Variants in GPM6B observed in about 807,000 individuals in gnomAD.
GPM6B encodes glycoprotein M6B, also known as neuronal membrane glycoprotein M6-b.
In GPM6B, 4 loss-of-function variants were observed where a neutral mutation model predicts 27.2. The observed-to-expected ratio is 0.15, with a 90% confidence interval of 0.07 to 0.34. The LOEUF is 0.34. GPM6B is among the 10% of genes least tolerant of loss of function. The pLI, the probability that GPM6B is intolerant of heterozygous loss-of-function variation, is 1.00. For synonymous variants in GPM6B, 124 were observed against 103.1 expected (o/e 1.20, Z -1.23); for missense variants, 183 against 261.9 (o/e 0.70, Z 2.08).
chrX:13,859,826 CTA>C (rs771377446), intron 1 of GPM6B, among the ~76,000 whole-genome samples: 117 of 111,108 alleles, frequency 1.1e-3, no homozygotes, highest in African/African-American at 3.6e-3. Context: ...GCTATTATAA[CTA>C]TGCTCTTTCC....
chrX:13,808,537 C>T (rs2049066686), intron 1 of GPM6B, among the ~76,000 whole-genome samples: 1 of 111,800 alleles, frequency 8.9e-6, no homozygotes, highest in South Asian at 3.8e-4. Flanking sequence ...GAGTAGGCTT[C>T]TCATAAAAGT....
chrX:13,921,157 T>C (rs1465421362), intron 1 of GPM6B, among the ~76,000 whole-genome samples: 1 of 112,088 alleles, frequency 8.9e-6, no homozygotes, highest in Admixed American at 9.5e-5. Context: ...ACATCAGCAA[T>C]AGTAATGAAT....
intron 1 of GPM6B, among the ~76,000 whole-genome samples, chrX:13,830,038 T>C (rs1031594850): frequency 9.0e-6 from 1 of 110,835 alleles, no homozygotes; most frequent in Non-Finnish European, 1.9e-5. Context: ...TCATTTTATC[T>C]TCGAACCTGT....
chrX:13,798,365 A>T (rs1383724530), intron 2 of GPM6B, among the ~76,000 whole-genome samples: 1 of 108,065 alleles, frequency 9.3e-6, no homozygotes, highest in East Asian at 2.9e-4. Flanking sequence ...CTAGACAAGC[A>T]GAGGGCAGGA....
intron 1 of GPM6B, among the ~76,000 whole-genome samples, chrX:13,935,855 T>A (rs936687167): frequency 8.9e-6 from 1 of 112,350 alleles, no homozygotes; most frequent in Non-Finnish European, 1.9e-5. Context: ...TTCAACACAC[T>A]CATTTAGGTA....
At chrX:13,822,468 C>T (rs1323618703) in intron 1 of GPM6B, among the ~76,000 whole-genome samples, 3 of 110,337 alleles carry the variant, frequency 2.7e-5, no homozygotes, top group Admixed American at 1.9e-4. Flanking sequence ...CAGGTTCAAG[C>T]GATTCTCCTG....
chrX:13,874,712 A>AAAAC (rs1385868219), intron 1 of GPM6B, among the ~76,000 whole-genome samples: 1 of 110,605 alleles, frequency 9.0e-6, no homozygotes, highest in Non-Finnish European at 1.9e-5. Context: ...TCCATCTCCA[A>AAAAC]AAACAAACAA....
At chrX:13,820,821 T>C (rs2049299102), upstream of GPM6B, among the ~76,000 whole-genome samples, 1 of 111,586 alleles carries the variant, frequency 9.0e-6, no homozygotes, top group Non-Finnish European at 1.9e-5. Flanking sequence ...TCTGGGCACA[T>C]AGCGGGTTCT....
At chrX:13,938,530 G>C, upstream of GPM6B, 1 of 903,742 alleles carries the variant, frequency 1.1e-6, no homozygotes, top group Non-Finnish European at 1.4e-6. Context: ...CTGGCGGGAG[G>C]GGTGAGGGCT....
At chrX:13,776,767 C>G (rs2048420677) in intron 6 of GPM6B, among the ~76,000 whole-genome samples, 1 of 112,352 alleles carries the variant, frequency 8.9e-6, no homozygotes, top group Admixed American at 9.4e-5. Flanking sequence ...TAAACAGTTA[C>G]AAGCCAATGA....
At chrX:13,847,503 C>G (rs772479673) in intron 1 of GPM6B, among the ~76,000 whole-genome samples, 1 of 111,962 alleles carries the variant, frequency 8.9e-6, no homozygotes, top group Non-Finnish European at 1.9e-5. Flanking sequence ...GCCTCCTCCT[C>G]AGCATCACCC....
intron 4 of GPM6B, among the ~76,000 whole-genome samples, chrX:13,783,053 G>T (rs1229729192): frequency 1.8e-5 from 2 of 112,334 alleles, no homozygotes; most frequent in African/African-American, 6.5e-5. Flanking sequence ...CCAAAGGGGA[G>T]CACTGAGACC....
Position 13,774,255 on chromosome X carries a change from A to G in GPM6B, c.838-1225T>C, listed in dbSNP as rs1446482948. On this transcript the variant is annotated intron_variant, in intron 7 of 7. Transcript: ENST00000316715. The stretch of plus-strand genomic sequence containing the variant: ...CAAAGTGTTAATAATTCATTTAAAG[A>G]TACTGCTCTCTAATGTTTAAGTATG... 3.0e-5 allele frequency: 25 copies of G among 820,629 alleles called. No individual in the cohort carries two copies. In the Admixed American group the frequency reaches 8.4e-4, roughly 28 times the overall value. The allele number at this position is 820,629 out of a possible 1,213,427, so 67.6% of individuals were successfully genotyped here.
chrX:13,834,220 TG>T (rs753561898), intron 1 of GPM6B, among the ~76,000 whole-genome samples: 1 of 112,594 alleles, frequency 8.9e-6, no homozygotes, highest in South Asian at 3.7e-4. Flanking sequence ...CACCCAAACA[TG>T]CTCTTTTTTC....
At chrX:13,774,738 T>C (rs1602962716) in intron 7 of GPM6B, 1 of 532,715 alleles carries the variant, frequency 1.9e-6, no homozygotes, top group Non-Finnish European at 3.2e-6. Context: ...GGTGTTTTTT[T>C]CCCACTTAAA....
chrX:13,925,490 C>CTTTT (rs57186854), intron 1 of GPM6B, among the ~76,000 whole-genome samples: 32,574 of 79,584 alleles, frequency 0.41, 7,059 homozygotes, highest in Non-Finnish European at 0.53. Context: ...CCATGTCTGG[C>CTTTT]TTTTTTTTTT....
rs149898351 is a variant in GPM6B, at chrX:13,812,401, G to A, written c.61+4443C>T. On this transcript the variant is annotated intron_variant, in intron 1 of 7. Coordinates refer to ENST00000316715, the MANE Select transcript of GPM6B (RefSeq NM_001001995.3). ...TGAATGAACAACAAAGCACATTTGT[G>A]AAACTGGGATTGTAACCTTCCTCTC... Among the ~76,000 whole-genome samples, 479 of 111,769 alleles carry A rather than the reference G, an allele frequency of 4.3e-3. 4 individuals carry two copies. The highest frequency in any genetic ancestry group is 0.015 in the African/African-American group (446 of 30,743).
chrX:13,932,473 G>C (rs1309863874), intron 1 of GPM6B, among the ~76,000 whole-genome samples: 1 of 112,124 alleles, frequency 8.9e-6, no homozygotes, highest in East Asian at 2.8e-4. Context: ...AATGACTGTG[G>C]TTATTTGAGA....
At chrX:13,818,725 T>C (rs896658905), upstream of GPM6B, among the ~76,000 whole-genome samples, 1 of 112,494 alleles carries the variant, frequency 8.9e-6, no homozygotes, top group Non-Finnish European at 1.9e-5. Flanking sequence ...GTTTGTGATA[T>C]AATTATTTCC....
Sources: gnomAD v4.1 joint callset for allele counts (sites outside exome capture counted in the v4.1 genomes callset) on GRCh38, gnomAD v4.1.1 for gene constraint, MANE v1.5 for transcripts, NCBI Gene and HGNC (gene_info 2026-07-23, HGNC 2026-07-21) for gene names.